Variants in DCUN1D1 observed in about 807,000 individuals in gnomAD.
The protein encoded by DCUN1D1 is defective in cullin neddylation 1 domain containing 1.
A neutral mutation model predicts 39.0 loss-of-function variants in DCUN1D1; 3 were observed. That is an observed-to-expected ratio of 0.08 (90% CI 0.04 to 0.20). DCUN1D1 has a LOEUF of 0.20. Among genes scored for constraint, DCUN1D1 ranks in the 10% least tolerant of loss-of-function variants. DCUN1D1 has a pLI of 1.00. For synonymous variants in DCUN1D1, 82 were observed against 96.3 expected, an observed-to-expected ratio of 0.85 and a Z score of 0.87; for missense variants, 158 against 302.4, an observed-to-expected ratio of 0.52 and a Z score of 3.54.
intron 1 of DCUN1D1, among the ~76,000 whole-genome samples, chr3:182,975,430 C>G (rs559806745): frequency 6.6e-6 from 1 of 151,840 alleles, no homozygotes; most frequent in Non-Finnish European, 1.5e-5. Context: ...CCCGCCTCAG[C>G]CCCCCGAAGT....
intron 4 of DCUN1D1, among the ~76,000 whole-genome samples, chr3:182,957,617 T>C (rs1727144904): frequency 6.6e-6 from 1 of 150,862 alleles, no homozygotes; most frequent in South Asian, 2.1e-4. Flanking sequence ...GAGAGCCAGA[T>C]CCTGTATCTA....
Position 182,961,281 on chromosome 3 carries a change from C to T in DCUN1D1, c.465G>A (p.Lys155=), listed in dbSNP as rs1727369553. 1.3e-6 allele frequency: 2 copies of T among 1,595,420 alleles called. No individual in the cohort carries two copies. The highest frequency in any genetic ancestry group is 1.7e-6 in the Non-Finnish European group (2 of 1,168,552). The part of the protein sequence containing the change: ...EQELKEPGRF[K]DFYQFTFNFA... The stretch of plus-strand genomic sequence containing the variant: ...AATTAAAAGTAAACTGGTAAAAATC[C>T]TTAAATCGTCCTGGTTCTTTCAATT... The change falls in exon 4 of 7, where the codon AAG becomes AAA. Residue 155 remains lysine, a synonymous_variant. Coordinates refer to ENST00000292782, the MANE Select transcript of DCUN1D1 (RefSeq NM_020640.4).
rs147897671 is a variant in DCUN1D1, at chr3:182,971,891, C to G, written c.4-6138G>C. ...AAAAGGGCAAAAGTGCAACCACTGA[C>G]TGTTGAAGGGAGGAAAACTGTGAGC... On this transcript the variant is annotated intron_variant, in intron 1 of 6. Coordinates refer to ENST00000292782, the MANE Select transcript of DCUN1D1 (RefSeq NM_020640.4). 6.6e-5 allele frequency among the ~76,000 whole-genome samples: 10 copies of G among 152,226 alleles called. No individual in the cohort carries two copies. In the East Asian group the frequency reaches 1.9e-3, roughly 29 times the overall value.
chr3:182,976,713 GTTTA>G (rs1728258099), intron 1 of DCUN1D1, among the ~76,000 whole-genome samples: 1 of 152,088 alleles, frequency 6.6e-6, no homozygotes, highest in African/African-American at 2.4e-5. Context: ...TATATACTAT[GTTTA>G]TTATTTATGT....
intron 1 of DCUN1D1, among the ~76,000 whole-genome samples, chr3:182,975,148 A>C (rs1426038389): frequency 6.6e-6 from 1 of 152,050 alleles, no homozygotes; most frequent in Non-Finnish European, 1.5e-5. Flanking sequence ...TGTTCTTTTA[A>C]AACTTTTTTA....
At chr3:182,967,128 C>CTATATATATATATATATATA (rs60339329) in intron 1 of DCUN1D1, among the ~76,000 whole-genome samples, 87 of 143,534 alleles carry the variant, frequency 6.1e-4, no homozygotes, top group African/African-American at 2.1e-3. Flanking sequence ...AACAAAAAAA[C>CTATATATATATATATATATA]TATATATATA....
intron 5 of DCUN1D1, 73 bp from the exon 6 acceptor site, chr3:182,947,407 G>A: frequency 2.5e-6 from 3 of 1,192,748 alleles, no homozygotes; most frequent in East Asian, 2.5e-5. Context: ...TGGACAATTT[G>A]AAATACAAGA....
intron 4 of DCUN1D1, among the ~76,000 whole-genome samples, chr3:182,956,934 T>C (rs987583945): frequency 3.9e-5 from 6 of 152,164 alleles, no homozygotes; most frequent in African/African-American, 1.2e-4. Flanking sequence ...TTGAAAGAAA[T>C]TGGAAATGTG....
chr3:182,980,984 C>T (rs1040358846), upstream of DCUN1D1: 1 of 152,128 alleles, frequency 6.6e-6, no homozygotes, highest in Non-Finnish European at 1.5e-5. Context: ...CTCCCCTCCC[C>T]ATCAGTATCA....
chr3:182,983,774 T>C (rs1728639705), upstream of DCUN1D1, among the ~76,000 whole-genome samples: 2 of 152,150 alleles, frequency 1.3e-5, no homozygotes, highest in Non-Finnish European at 2.9e-5. Flanking sequence ...CCTGATAGTC[T>C]GGCTATCTGG....
chr3:182,951,384 A>G (rs1468122114), intron 4 of DCUN1D1, among the ~76,000 whole-genome samples: 1 of 152,124 alleles, frequency 6.6e-6, no homozygotes, highest in Non-Finnish European at 1.5e-5. Context: ...ATATACCAAA[A>G]TAAGAATTTG....
chr3:182,954,958 G>GT, intron 4 of DCUN1D1, among the ~76,000 whole-genome samples: 1 of 151,716 alleles, frequency 6.6e-6, no homozygotes, highest in East Asian at 1.9e-4. Flanking sequence ...TTTTCTAAAG[G>GT]TTTTTCTGAT....
At chr3:182,975,230 G>A (rs1261112042) in intron 1 of DCUN1D1, among the ~76,000 whole-genome samples, 1 of 149,170 alleles carries the variant, frequency 6.7e-6, no homozygotes, top group Non-Finnish European at 1.5e-5. Context: ...AGGCTGGAGT[G>A]CAGTGGTGCG....
At chr3:182,982,664 AT>A, upstream of DCUN1D1, among the ~76,000 whole-genome samples, 1 of 151,972 alleles carries the variant, frequency 6.6e-6, no homozygotes, top group South Asian at 2.1e-4. Context: ...TGTTTTTGAG[AT>A]GGAGTCTAGT....
At chr3:182,953,171 T>C (rs1161212724) in intron 4 of DCUN1D1, among the ~76,000 whole-genome samples, 1 of 152,172 alleles carries the variant, frequency 6.6e-6, no homozygotes, top group Non-Finnish European at 1.5e-5. Flanking sequence ...TATACCCTTT[T>C]TGAAGGTACT....
intron 1 of DCUN1D1, among the ~76,000 whole-genome samples, chr3:182,972,802 A>G (rs536975520): frequency 6.6e-6 from 1 of 152,324 alleles, no homozygotes; most frequent in Non-Finnish European, 1.5e-5. Context: ...GCACTCTGGG[A>G]GGCCAAGAGG....
At chr3:182,980,376 C>T (rs1728479307) in intron 1 of DCUN1D1, 111 bp downstream of exon 1, 1 of 827,154 alleles carries the variant, frequency 1.2e-6, no homozygotes, top group Non-Finnish European at 1.5e-6. Context: ...AGGCCGCGGG[C>T]CGAGGCTCGG....
At chr3:182,972,353 A>G (rs1002881287) in intron 1 of DCUN1D1, among the ~76,000 whole-genome samples, 5 of 152,212 alleles carry the variant, frequency 3.3e-5, no homozygotes, top group East Asian at 1.9e-4. Flanking sequence ...TCAAATACTA[A>G]GCAAAACGAA....
intron 3 of DCUN1D1, 68 bp from the exon 4 acceptor site, chr3:182,961,424 C>T (rs1400430755): frequency 6.8e-6 from 9 of 1,327,838 alleles, no homozygotes; most frequent in Non-Finnish European, 8.4e-6. Flanking sequence ...TACTTATTCC[C>T]ATGAGGGCTT....
Sources: gnomAD v4.1 joint callset for allele counts (sites outside exome capture counted in the v4.1 genomes callset) on GRCh38, gnomAD v4.1.1 for gene constraint, MANE v1.5 for transcripts, NCBI Gene and HGNC (gene_info 2026-07-23, HGNC 2026-07-21) for gene names.